Variants in MDGA2 observed in about 807,000 individuals in gnomAD.
The protein encoded by MDGA2 is MAM domain containing glycosylphosphatidylinositol anchor 2, also known as MAM domain-containing glycosylphosphatidylinositol anchor protein 2.
Under a neutral mutation model 117.8 loss-of-function variants are expected in MDGA2, and 40 were observed. The observed-to-expected ratio is 0.34, with a 90% CI of 0.26 to 0.44. The LOEUF (loss-of-function observed/expected upper bound fraction) is 0.44. Ranked by LOEUF, MDGA2 falls within the 20% of genes least tolerant of loss-of-function variation. The pLI, the probability that MDGA2 is intolerant of heterozygous loss-of-function variation, is 1.00. For synonymous variants in MDGA2, 452 were observed against 439.0 expected, an observed-to-expected ratio of 1.03 and a Z score of -0.37; for missense variants, 1,123 against 1,250.6, an observed-to-expected ratio of 0.90 and a Z score of 1.54.
chr14:47,513,002 C>T (rs1430714223), intron 1 of MDGA2, among the ~76,000 whole-genome samples: 2 of 151,832 alleles, frequency 1.3e-5, no homozygotes, highest in Non-Finnish European at 2.9e-5. Context: ...ATTTGATGTA[C>T]ACTTCATGTA....
chr14:46,883,029 G>C (rs150960709), intron 10 of MDGA2, among the ~76,000 whole-genome samples: 1 of 152,096 alleles, frequency 6.6e-6, no homozygotes, highest in Non-Finnish European at 1.5e-5. Context: ...TAATTTCACA[G>C]CACAGTTATC....
chr14:46,926,043 C>T (rs1461672949), intron 9 of MDGA2, among the ~76,000 whole-genome samples: 3 of 152,116 alleles, frequency 2.0e-5, no homozygotes, highest in African/African-American at 7.2e-5. Context: ...CTATGGCTGA[C>T]GTAATCCATG....
intron 1 of MDGA2, among the ~76,000 whole-genome samples, chr14:47,625,964 G>C (rs963419656): frequency 2.6e-5 from 4 of 152,166 alleles, no homozygotes; most frequent in Non-Finnish European, 5.9e-5. Context: ...CAGGACACCA[G>C]ACAGAGTTTC....
chr14:47,009,333 CTAAGA>C (rs970871028), intron 8 of MDGA2, among the ~76,000 whole-genome samples: 10 of 151,972 alleles, frequency 6.6e-5, no homozygotes, highest in Admixed American at 2.0e-4. Context: ...ATAGTTTCTC[CTAAGA>C]TAACTATTAT....
intron 3 of MDGA2, among the ~76,000 whole-genome samples, chr14:47,205,976 A>C (rs1438643146): frequency 2.6e-5 from 4 of 152,046 alleles, no homozygotes; most frequent in African/African-American, 9.7e-5. Context: ...TACCATATGA[A>C]GTAGAATTTT....
intron 1 of MDGA2, among the ~76,000 whole-genome samples, chr14:47,373,489 A>G (rs1891410667): frequency 1.3e-5 from 2 of 152,146 alleles, no homozygotes; most frequent in African/African-American, 2.4e-5. Flanking sequence ...GGAATGAACT[A>G]CTAATACATG....
chr14:47,120,630 G>A (rs1881600995), intron 5 of MDGA2, among the ~76,000 whole-genome samples: 1 of 152,018 alleles, frequency 6.6e-6, no homozygotes, highest in Admixed American at 6.6e-5. Context: ...TGAGGGAACA[G>A]CTGAAATTAC....
chr14:47,048,093 T>C (rs1440174253), intron 7 of MDGA2, among the ~76,000 whole-genome samples: 1 of 152,116 alleles, frequency 6.6e-6, no homozygotes, highest in Non-Finnish European at 1.5e-5. Flanking sequence ...GCTCTCATTC[T>C]ATTTCTATGA....
intron 1 of MDGA2, among the ~76,000 whole-genome samples, chr14:47,660,203 T>C (rs1168284599): frequency 6.6e-6 from 1 of 152,194 alleles, no homozygotes; most frequent in Non-Finnish European, 1.5e-5. Context: ...AAAGACTCAA[T>C]TGCCTCTGAA....
intron 4 of MDGA2, among the ~76,000 whole-genome samples, chr14:47,140,323 G>T (rs2139188195): frequency 6.6e-6 from 1 of 151,980 alleles, no homozygotes; most frequent in Admixed American, 6.6e-5. Context: ...ACAGATATTG[G>T]AAAACACAAT....
intron 10 of MDGA2, among the ~76,000 whole-genome samples, chr14:46,894,637 T>C (rs1883008285): frequency 1.3e-5 from 2 of 152,160 alleles, no homozygotes; most frequent in South Asian, 4.1e-4. Context: ...TGTGCTGAGT[T>C]TGTACTCATA....
At chr14:47,099,386 G>A (rs984649881) in intron 5 of MDGA2, among the ~76,000 whole-genome samples, 1 of 151,740 alleles carries the variant, frequency 6.6e-6, no homozygotes, top group Non-Finnish European at 1.5e-5. Flanking sequence ...ACTGATATAG[G>A]AAAAACATAA....
chr14:47,601,790 GCC>G (rs1896653500), intron 1 of MDGA2, among the ~76,000 whole-genome samples: 1 of 152,142 alleles, frequency 6.6e-6, no homozygotes, highest in Admixed American at 6.6e-5. Flanking sequence ...AGATCTGTTA[GCC>G]CAGTGCATAT....
intron 8 of MDGA2, among the ~76,000 whole-genome samples, chr14:46,983,536 G>A (rs1169265300): frequency 6.6e-6 from 1 of 152,048 alleles, no homozygotes; most frequent in African/African-American, 2.4e-5. Context: ...CAAAAGTTGA[G>A]ATATCCCAAG....
intron 2 of MDGA2, among the ~76,000 whole-genome samples, chr14:47,241,183 C>G (rs193183054): frequency 6.6e-6 from 1 of 151,804 alleles, no homozygotes; most frequent in Non-Finnish European, 1.5e-5. Flanking sequence ...ACAAGTGTAA[C>G]TAATTCAACT....
rs965132241 is a variant in MDGA2 at position 47,059,218 on chromosome 14, C to T, written c.1525+2031G>A. ...ACCTTCTATGTGCCATGTATTGTTT[C>T]GGCTATTGAGATTATAGCAATGAGT... On this transcript the variant is annotated intron_variant, in intron 7 of 16. Transcript: ENST00000399232. 21 of 914,640 alleles carry T rather than the reference C, an allele frequency of 2.3e-5. No individual in the cohort carries two copies. In the Middle Eastern group the frequency reaches 7.7e-4, roughly 33 times the overall value. 56.7% of individuals were successfully genotyped at this position (914,640 alleles called of 1,614,324 possible). A position where few individuals can be genotyped will look rare whatever the true frequency, so the allele number is the denominator to read the frequency against.
At chr14:47,394,838 A>G (rs1425632948) in intron 1 of MDGA2, among the ~76,000 whole-genome samples, 3 of 152,212 alleles carry the variant, frequency 2.0e-5, no homozygotes, top group African/African-American at 7.2e-5. Context: ...CAACAAATAT[A>G]AAGTTATGTA....
intron 1 of MDGA2, among the ~76,000 whole-genome samples, chr14:47,366,215 A>T (rs539388647): frequency 2.6e-5 from 4 of 152,330 alleles, no homozygotes; most frequent in Admixed American, 2.6e-4. Flanking sequence ...GAGGGAGGTC[A>T]GGAAGGCTAT....
At chr14:47,409,900 G>C (rs1892336032) in intron 1 of MDGA2, among the ~76,000 whole-genome samples, 1 of 152,156 alleles carries the variant, frequency 6.6e-6, no homozygotes, top group Admixed American at 6.6e-5. Context: ...AACGTGAGCA[G>C]TGACACCATG....
Sources: allele counts gnomAD v4.1 joint callset (sites outside exome capture counted in the v4.1 genomes callset), GRCh38; gene constraint gnomAD v4.1.1; transcripts MANE v1.5; gene names NCBI Gene and HGNC (gene_info 2026-07-23, HGNC 2026-07-21).